The following ULK2 variants were observed in gnomAD, a reference collection of about 807,000 sequenced individuals.
ULK2 encodes the protein serine/threonine-protein kinase ULK2.
A neutral mutation model predicts 127.5 loss-of-function variants in ULK2; 76 were observed. The ratio of observed to expected loss-of-function variants is 0.60; its 90% confidence interval spans 0.50 to 0.72. The LOEUF is 0.72. Among genes scored for constraint, ULK2 ranks in the 30% least tolerant of loss-of-function variants. ULK2 has a pLI of 0.00. For synonymous variants in ULK2, 452 were observed against 461.9 expected (o/e 0.98, Z 0.28); for missense variants, 1,144 against 1,295.9 (o/e 0.88, Z 1.80).
intron 14 of ULK2, 98 bp downstream of exon 14, chr17:19,810,279 AC>A: frequency 1.3e-6 from 1 of 766,210 alleles, no homozygotes; most frequent in Admixed American, 2.9e-5. Context: ...GGACTGTAAA[AC>A]AAAATAAATC....
Position 19,799,579 on chromosome 17 carries a change from C to CAAAAAA in ULK2, c.1442-10_1442-5dup. The stretch of plus-strand genomic sequence containing the variant: ...AATTGCTCAGGAATGGTACCAACTA[C>CAAAAAA]AAAAAAAAAAAAAAAAAAGATGGGG... On this transcript the variant is annotated splice_region_variant and splice_polypyrimidine_tract_variant and intron_variant, in intron 16 of 26. Transcript: ENST00000395544. 1.4e-4 allele frequency: 172 copies of CAAAAAA among 1,194,298 alleles called. 13 individuals carry two copies. The highest frequency in any genetic ancestry group is 3.7e-4 in the South Asian group (16 of 43,684). The allele number at this position is 1,194,298 out of a possible 1,614,324, so 74.0% of individuals were successfully genotyped here.
At chr17:19,845,215 A>T in intron 7 of ULK2, 89 bp downstream of exon 7, 1 of 1,150,364 alleles carries the variant, frequency 8.7e-7, no homozygotes. Context: ...ATGTAAAATC[A>T]CATCTTATTT....
In ULK2 at chr17:19,795,745, T is replaced by G. The variant is rs1323586859; in HGVS notation, c.1998-20A>C. ...ACAGATCTAAAAAGAATAGTGATGT[T>G]TTTAATAAAGGAAAAGTATACTTTT... On this transcript the variant is annotated intron_variant, in intron 19 of 26. Transcript: ENST00000395544. The G allele has an allele frequency of 1.9e-5, 31 of 1,604,672 alleles. No individual in the cohort carries two copies. The highest frequency in any genetic ancestry group is 2.6e-5 in the Non-Finnish European group (31 of 1,171,778).
At chr17:19,782,689 G>A (rs1322597823) in intron 22 of ULK2, among the ~76,000 whole-genome samples, 10 of 152,212 alleles carry the variant, frequency 6.6e-5, no homozygotes, top group Non-Finnish European at 1.2e-4. Context: ...GCCAAGGCGG[G>A]TGGATCACCT....
chr17:19,851,179 T>C (rs2042006317), intron 3 of ULK2, among the ~76,000 whole-genome samples: 1 of 143,698 alleles, frequency 7.0e-6, no homozygotes, highest in African/African-American at 2.6e-5. Flanking sequence ...AAAAAAAAAT[T>C]AGCCAGGCAT....
At chr17:19,815,644 T>A (rs1567697619) in intron 13 of ULK2, among the ~76,000 whole-genome samples, 1 of 152,210 alleles carries the variant, frequency 6.6e-6, no homozygotes, top group South Asian at 2.1e-4. Flanking sequence ...TATTGACCTA[T>A]ATAAAAGTAA....
chr17:19,784,030 G>A, intron 21 of ULK2, 125 bp from the exon 22 acceptor site: 1 of 690,598 alleles, frequency 1.4e-6, no homozygotes, highest in Non-Finnish European at 2.1e-6. Context: ...GAAACTCACT[G>A]ACCCCCTATG....
At chr17:19,808,361 A>T (rs1243721903) in intron 14 of ULK2, among the ~76,000 whole-genome samples, 1 of 152,224 alleles carries the variant, frequency 6.6e-6, no homozygotes, top group African/African-American at 2.4e-5. Flanking sequence ...TTAATATGAC[A>T]TAAGAGTAGG....
At chr17:19,801,654 A>G in intron 16 of ULK2, 123 bp downstream of exon 16, 1 of 1,268,310 alleles carries the variant, frequency 7.9e-7, no homozygotes. Context: ...GGGACGGGGT[A>G]TGGCCTCCAA....
Position 19,797,541 on chromosome 17 carries a change from G to A in ULK2, c.1664C>T (p.Thr555Ile). ...QHSDPVCPSH[T>I]GAGYSYSPQP... The stretch of plus-strand genomic sequence containing the variant: ...AGGCGAGTAGCTGTACCCAGCCCCA[G>A]TATGGGATGGGCACACGGGGTCAGA... Residue 555 changes from threonine (T) to isoleucine (I), a missense_variant, in exon 18 of 27, where the codon ACT (threonine) becomes ATT (isoleucine). Physicochemically the swap from Thr to Ile is moderately conservative, Grantham distance 89. This residue lies in a region of ULK2 where 913 missense variants were observed against 970.5 expected (regional missense o/e 0.94). Coordinates refer to ENST00000395544, the MANE Select transcript of ULK2 (RefSeq NM_014683.4). The A allele has an allele frequency of 6.2e-7, 1 of 1,613,986 alleles. No individual in the cohort carries two copies. The highest frequency in any genetic ancestry group is 1.1e-5 in the South Asian group (1 of 91,068).
Position 19,817,249 on chromosome 17 carries a change from G to C in ULK2, c.925-329C>G, listed in dbSNP as rs117706599. ...CAACATCCCCCGGTTCTAGCTCATG[G>C]CCTAACAAAGCAGATACTTAATAAC... On this transcript the variant is annotated intron_variant, in intron 12 of 26. Transcript: ENST00000395544. 4.8e-3 allele frequency among the ~76,000 whole-genome samples: 733 copies of C among 152,186 alleles called. 25 individuals are homozygous for C. In the East Asian group the frequency reaches 0.089, roughly 19 times the overall value.
intron 17 of ULK2, among the ~76,000 whole-genome samples, chr17:19,798,830 ATTATT>A (rs1473774045): frequency 6.6e-6 from 1 of 152,274 alleles, no homozygotes; most frequent in African/African-American, 2.4e-5. Context: ...TAAAATCTAT[ATTATT>A]TTATCTGATG....
intron 12 of ULK2, among the ~76,000 whole-genome samples, chr17:19,822,424 T>C (rs1016155361): frequency 1.3e-5 from 2 of 151,248 alleles, no homozygotes; most frequent in African/African-American, 4.9e-5. Context: ...TGCAGTGGCA[T>C]GATCTTGGCT....
intron 24 of ULK2, 152 bp downstream of exon 24, chr17:19,780,834 T>C: frequency 1.1e-6 from 1 of 929,366 alleles, no homozygotes; most frequent in Non-Finnish European, 1.6e-6. Context: ...TCAATTGAAC[T>C]GCAAAAAGCT....
chr17:19,783,885 C>T lies in ULK2; in HGVS notation c.2272G>A (p.Gly758Ser). ...CGGCCACTCATGGCACAAAGAGAGCCCCCGGAGTTGCTGGGCCCCACTACA... is the reference window on the plus strand; with the variant it reads ...CGGCCACTCATGGCACAAAGAGAGCTCCCGGAGTTGCTGGGCCCCACTACA... ...TTSVGPSNSG[G>S]SLCAMSGRVC... Residue 758 changes from glycine to serine, a missense_variant, in exon 22 of 27, where the codon GGC (glycine) becomes AGC (serine). Physicochemically the swap from Gly to Ser is moderately conservative, Grantham distance 56. Around this residue, in one of 2 missense-constraint regions of ULK2, gnomAD observed 913 missense variants for 970.5 expected, o/e 0.94. Transcript: ENST00000395544. 6.5e-7 allele frequency: 1 copy of T among 1,530,144 alleles called. No individual in the cohort carries two copies. Among genetic ancestry groups the T allele is most frequent in the Non-Finnish European group, 8.8e-7 (1 of 1,137,676 alleles). 94.8% of individuals were successfully genotyped at this position (1,530,144 alleles called of 1,614,324 possible).
chr17:19,834,286 G>A (rs376602519), intron 10 of ULK2, among the ~76,000 whole-genome samples: 26 of 151,882 alleles, frequency 1.7e-4, no homozygotes, highest in East Asian at 1.5e-3. Context: ...GATAAATGAA[G>A]ATTCTGAGAA....
rs1351185589 is a variant in ULK2 at position 19,825,177 on chromosome 17, G to C, written c.841C>G (p.Pro281Ala). 6.2e-7 allele frequency: 1 copy of C among 1,613,994 alleles called. No individual in the cohort carries two copies. Among genetic ancestry groups the C allele is most frequent in the Non-Finnish European group, 8.5e-7 (1 of 1,179,988 alleles). ...CCAGAATACATGGGCACTGGAACTG[G>C]GCAAGCTAGGGGAAGAAACACAAAT... ...LEQGPVKKSC[P>A]VPVPMYSGSV... The change falls in exon 12 of 27, where the codon CCA (proline) becomes GCA (alanine). Residue 281 changes from proline (P) to alanine (A), a missense_variant. Transcript: ENST00000395544.
At chr17:19,795,918 T>C (rs561798397) in intron 19 of ULK2, among the ~76,000 whole-genome samples, 177 bp downstream of exon 19, 5 of 152,198 alleles carry the variant, frequency 3.3e-5, no homozygotes, top group Non-Finnish European at 7.4e-5. Context: ...TGTACTTACA[T>C]AGTTACAGGA....
intron 15 of ULK2, 147 bp from the exon 16 acceptor site, chr17:19,802,069 A>G (rs1284830739): frequency 1.2e-6 from 1 of 867,482 alleles, no homozygotes; most frequent in Non-Finnish European, 1.6e-6. Context: ...ATGCATAAAA[A>G]GAGTGAGGTC....
Sources: gnomAD v4.1 joint callset for allele counts (sites outside exome capture counted in the v4.1 genomes callset) on GRCh38, gnomAD v4.1.1 for gene constraint, gnomAD v4.1.1 regional missense constraint, MANE v1.5 for transcripts, NCBI Gene and HGNC (gene_info 2026-07-23, HGNC 2026-07-21) for gene names.